Variants in AFG1L observed in about 807,000 individuals in gnomAD.
AFG1L encodes AFG1 like ATPase.
A neutral mutation model predicts 62.2 loss-of-function variants in AFG1L; 53 were observed. The ratio of observed to expected loss-of-function variants is 0.85; its 90% CI spans 0.68 to 1.07. The LOEUF (loss-of-function observed/expected upper bound fraction) is 1.07. Among genes scored for constraint, AFG1L ranks in the 50% least tolerant of loss-of-function variants. The pLI is 0.00. For missense variants in AFG1L, 555 were observed against 590.5 expected, an observed-to-expected ratio of 0.94 and a Z score of 0.62; for synonymous variants, 228 against 210.3, an observed-to-expected ratio of 1.08 and a Z score of -0.73.
At chr6:108,369,864 CCTCCCA>C (rs1779919545) in intron 6 of AFG1L, among the ~76,000 whole-genome samples, 1 of 152,144 alleles carries the variant, frequency 6.6e-6, no homozygotes. Context: ...CCTGCCTCGG[CCTCCCA>C]AAGTGCTAGG....
chr6:108,325,617 C>T (rs1778010912), intron 2 of AFG1L, among the ~76,000 whole-genome samples: 1 of 151,784 alleles, frequency 6.6e-6, no homozygotes, highest in African/African-American at 2.4e-5. Context: ...TCCTGAGTAG[C>T]TGGGATTACA....
chr6:108,308,004 G>T (rs1427807126), intron 1 of AFG1L, among the ~76,000 whole-genome samples: 7 of 152,136 alleles, frequency 4.6e-5, no homozygotes, highest in African/African-American at 1.7e-4. Flanking sequence ...GTTTCTTAAT[G>T]AGTTGTAGTT....
At chr6:108,510,146 AAACCACTC>A in intron 10 of AFG1L, 58 bp from the exon 11 acceptor site, 1 of 1,283,798 alleles carries the variant, frequency 7.8e-7, no homozygotes, top group Non-Finnish European at 1.1e-6. Flanking sequence ...TTTTTACACT[AAACCACTC>A]CAAAGGCAAC....
chr6:108,365,173 C>T (rs1779704000), intron 5 of AFG1L, among the ~76,000 whole-genome samples: 1 of 152,028 alleles, frequency 6.6e-6, no homozygotes. Context: ...AACATTTTTA[C>T]ATTGGGAGTA....
intron 1 of AFG1L, among the ~76,000 whole-genome samples, chr6:108,312,429 C>T (rs1777448127): frequency 6.6e-6 from 1 of 152,086 alleles, no homozygotes; most frequent in Non-Finnish European, 1.5e-5. Context: ...TACCTGTAGT[C>T]CCAGCTACTG....
chr6:108,429,901 C>T (rs922183495), intron 7 of AFG1L, among the ~76,000 whole-genome samples: 6 of 151,936 alleles, frequency 3.9e-5, no homozygotes, highest in Non-Finnish European at 8.8e-5. Flanking sequence ...TTCTTCCAAT[C>T]AATGAGCATG....
rs750627845 is a variant in AFG1L at position 108,295,060 on chromosome 6, C to T, written c.-20C>T. On this transcript the variant is annotated 5_prime_UTR_variant, in exon 1 of 13. Transcript: ENST00000368977. ...GTTCCAATAAAGTTTTCCTCTTCCT[C>T]TCCTCGTACGGAGTTCAAGATGGCG... 6.8e-6 allele frequency: 11 copies of T among 1,609,486 alleles called. No homozygotes were observed. Among genetic ancestry groups the T allele is most frequent in the Non-Finnish European group, 7.6e-6 (9 of 1,179,982 alleles).
chr6:108,306,456 G>A lies in AFG1L; in HGVS notation c.139+11238G>A, dbSNP rs115774388. On this transcript the variant is annotated intron_variant, in intron 1 of 12. Coordinates refer to ENST00000368977, the MANE Select transcript of AFG1L (RefSeq NM_145315.5). ...TAAAACACTAATACTGATTCCATGT[G>A]TGACCGCTCTTTTAACATATCAAGA... Among the ~76,000 whole-genome samples, 768 of 152,276 alleles carry A rather than the reference G, an allele frequency of 5.0e-3. 4 individuals carry two copies. Among genetic ancestry groups the A allele is most frequent in the African/African-American group, 0.018 (742 of 41,568 alleles).
chr6:108,411,502 T>C (rs1156836023), intron 7 of AFG1L, among the ~76,000 whole-genome samples: 2 of 152,128 alleles, frequency 1.3e-5, no homozygotes, highest in African/African-American at 4.8e-5. Context: ...GGGAGACACC[T>C]CTCAGTAGGG....
At chr6:108,516,698 GA>G (rs1774909327) in intron 11 of AFG1L, among the ~76,000 whole-genome samples, 1 of 152,170 alleles carries the variant, frequency 6.6e-6, no homozygotes, top group African/African-American at 2.4e-5. Flanking sequence ...ATTCGGAAAA[GA>G]GGAAGTCAAA....
intron 7 of AFG1L, among the ~76,000 whole-genome samples, chr6:108,403,640 C>T (rs537213039): frequency 1.3e-5 from 2 of 152,078 alleles, no homozygotes; most frequent in East Asian, 3.9e-4. Context: ...ATATGGTATA[C>T]ACAGATACCA....
At chr6:108,362,455 C>T (rs1389292647) in intron 5 of AFG1L, among the ~76,000 whole-genome samples, 2 of 151,938 alleles carry the variant, frequency 1.3e-5, no homozygotes, top group Non-Finnish European at 2.9e-5. Context: ...CTGTATAATG[C>T]TAAATATAAT....
intron 10 of AFG1L, among the ~76,000 whole-genome samples, chr6:108,509,920 A>G (rs1774576341): frequency 6.6e-6 from 1 of 152,250 alleles, no homozygotes; most frequent in Non-Finnish European, 1.5e-5. Context: ...ACCGGAAAGT[A>G]TATGTAAAAA....
chr6:108,314,865 A>G (rs1024123923), intron 1 of AFG1L, among the ~76,000 whole-genome samples: 5 of 151,498 alleles, frequency 3.3e-5, no homozygotes, highest in Non-Finnish European at 7.4e-5. Flanking sequence ...TTTTTGAGAC[A>G]GTGTCTTGCT....
intron 6 of AFG1L, among the ~76,000 whole-genome samples, chr6:108,378,059 G>T (rs1780327515): frequency 6.7e-6 from 1 of 148,438 alleles, no homozygotes; most frequent in Non-Finnish European, 1.5e-5. Context: ...GTCAGATTGG[G>T]TTCGTTCAAA....
At chr6:108,322,454 C>T (rs868512264) in intron 1 of AFG1L, among the ~76,000 whole-genome samples, 1 of 152,112 alleles carries the variant, frequency 6.6e-6, no homozygotes, top group African/African-American at 2.4e-5. Flanking sequence ...GAACTACACA[C>T]GTTTCTGCTC....
At chr6:108,331,185 C>G (rs1315551255) in intron 2 of AFG1L, among the ~76,000 whole-genome samples, 3 of 152,038 alleles carry the variant, frequency 2.0e-5, no homozygotes, top group Non-Finnish European at 4.4e-5. Context: ...AATTGGGAGG[C>G]TGAGGTGGGA....
At chr6:108,479,434 A>G (rs1773248429) in intron 10 of AFG1L, among the ~76,000 whole-genome samples, 1 of 152,062 alleles carries the variant, frequency 6.6e-6, no homozygotes, top group South Asian at 2.1e-4. Context: ...TGGGGTGTTT[A>G]CTACATTACA....
rs1775159024 is a variant in AFG1L at position 108,522,391 on chromosome 6, A to G, written c.1412A>G (p.Gln471Arg). 1 of 1,613,672 alleles carries G rather than the reference A, an allele frequency of 6.2e-7. No individual in the cohort carries two copies. Among genetic ancestry groups the G allele is most frequent in the Non-Finnish European group, 8.5e-7 (1 of 1,179,644 alleles). Residue 471 changes from glutamine to arginine, a missense_variant, in exon 13 of 13, where the codon CAG becomes CGG. Physicochemically the swap from Gln to Arg is conservative, Grantham distance 43 (BLOSUM62 1). Coordinates refer to ENST00000368977, the MANE Select transcript of AFG1L (RefSeq NM_145315.5). ...CGACTCACGGAAATGCAGACTGAAC[A>G]GTACTGGAATGAAGGAGACAGAACC... is the stretch of plus-strand genomic sequence containing the variant. ...ISRLTEMQTE[Q>R]YWNEGDRTKK
Sources: gnomAD v4.1 joint callset for allele counts (sites outside exome capture counted in the v4.1 genomes callset) on GRCh38, gnomAD v4.1.1 for gene constraint, MANE v1.5 for transcripts, NCBI Gene and HGNC (gene_info 2026-07-23, HGNC 2026-07-21) for gene names.